The following CTNNA3 variants were observed in gnomAD, a reference collection of about 807,000 sequenced individuals.
The protein encoded by CTNNA3 is catenin alpha-3.
CTNNA3 carries 76 observed loss-of-function variants against 95.7 expected under a neutral mutation model. That is an observed-to-expected ratio of 0.79 (90% CI 0.66 to 0.96). The LOEUF (loss-of-function observed/expected upper bound fraction) is 0.96. CTNNA3 is among the 40% of genes least tolerant of loss of function. The pLI is 0.00. For missense variants in CTNNA3, 1,191 were observed against 1,089.8 expected, an observed-to-expected ratio of 1.09 and a Z score of -1.31; for synonymous variants, 431 against 374.4, an observed-to-expected ratio of 1.15 and a Z score of -1.74.
chr10:67,738,030 C>A (rs1055895698), intron 1 of CTNNA3, among the ~76,000 whole-genome samples: 1 of 152,180 alleles, frequency 6.6e-6, no homozygotes, highest in African/African-American at 2.4e-5. Context: ...TGTTTCACAG[C>A]CTTCACTGGT....
At chr10:67,375,711 T>G (rs1375611763) in intron 5 of CTNNA3, among the ~76,000 whole-genome samples, 1 of 152,220 alleles carries the variant, frequency 6.6e-6, no homozygotes, top group Non-Finnish European at 1.5e-5. Flanking sequence ...TGAAAAGGAT[T>G]CTTCTCTACT....
At chr10:66,590,375 C>T (rs1843508190) in intron 10 of CTNNA3, among the ~76,000 whole-genome samples, 1 of 152,082 alleles carries the variant, frequency 6.6e-6, no homozygotes, top group Non-Finnish European at 1.5e-5. Flanking sequence ...AATATGAAAT[C>T]ACCCGTACCA....
At chr10:65,982,068 G>T (rs1564556544) in intron 16 of CTNNA3, among the ~76,000 whole-genome samples, 1 of 150,628 alleles carries the variant, frequency 6.6e-6, no homozygotes, top group Non-Finnish European at 1.5e-5. Flanking sequence ...AAAACCCACC[G>T]AATGGGAGAA....
chr10:66,016,083 T>C (rs1473099750), intron 15 of CTNNA3, among the ~76,000 whole-genome samples: 1 of 152,288 alleles, frequency 6.6e-6, no homozygotes, highest in Non-Finnish European at 1.5e-5. Context: ...GATAATCAGA[T>C]AGTATCAGAG....
intron 6 of CTNNA3, among the ~76,000 whole-genome samples, chr10:67,189,707 C>G (rs12263704): frequency 0.039 from 5,859 of 151,936 alleles, 245 homozygotes; most frequent in East Asian, 0.17. Flanking sequence ...TATAATTATA[C>G]AGCTAGAAGC....
chr10:66,750,225 T>C (rs2132725140), intron 9 of CTNNA3, among the ~76,000 whole-genome samples: 1 of 152,344 alleles, frequency 6.6e-6, no homozygotes, highest in Non-Finnish European at 1.5e-5. Context: ...TTTAATGAAA[T>C]CCAGCATATC....
intron 6 of CTNNA3, among the ~76,000 whole-genome samples, chr10:67,197,411 C>T (rs74144741): frequency 9.3e-4 from 142 of 152,138 alleles, no homozygotes; most frequent in African/African-American, 3.2e-3. Context: ...AGGTTAAGTA[C>T]AAGCCCTGGA....
chr10:67,295,410 G>A (rs1037707566), intron 5 of CTNNA3, among the ~76,000 whole-genome samples: 6 of 152,086 alleles, frequency 3.9e-5, no homozygotes, highest in East Asian at 1.9e-4. Flanking sequence ...ATACAGTCAC[G>A]GGCATGGTAA....
At chr10:66,569,684 T>A (rs1035687803) in intron 10 of CTNNA3, among the ~76,000 whole-genome samples, 1 of 152,118 alleles carries the variant, frequency 6.6e-6, no homozygotes, top group Admixed American at 6.6e-5. Context: ...TTAAACATGA[T>A]GGCTTTGAGA....
At chr10:66,244,201 G>A (rs1362503729) in intron 13 of CTNNA3, among the ~76,000 whole-genome samples, 2 of 152,218 alleles carry the variant, frequency 1.3e-5, no homozygotes, top group East Asian at 3.9e-4. Context: ...GAAGGACTTT[G>A]TCTTGTGGTT....
At chr10:67,195,696 C>T (rs1377115832) in intron 6 of CTNNA3, among the ~76,000 whole-genome samples, 1 of 151,980 alleles carries the variant, frequency 6.6e-6, no homozygotes, top group African/African-American at 2.4e-5. Flanking sequence ...TATTAATCAT[C>T]CAATATATTT....
chr10:66,480,408 G>A (rs1259628024), intron 11 of CTNNA3, among the ~76,000 whole-genome samples: 1 of 152,016 alleles, frequency 6.6e-6, no homozygotes, highest in East Asian at 1.9e-4. Flanking sequence ...GTATTTCTGT[G>A]TCAGTGTATT....
intron 12 of CTNNA3, among the ~76,000 whole-genome samples, chr10:66,301,164 G>A (rs190917996): frequency 6.6e-6 from 1 of 151,990 alleles, no homozygotes; most frequent in Non-Finnish European, 1.5e-5. Context: ...AGCTATTGAG[G>A]AGATTGGATC....
intron 2 of CTNNA3, among the ~76,000 whole-genome samples, chr10:67,612,606 A>G (rs540717714): frequency 2.0e-5 from 3 of 152,354 alleles, no homozygotes; most frequent in South Asian, 2.1e-4. Context: ...AAAAGTTATA[A>G]AAGTCAAAGA....
At position 67,200,878 on chromosome 10, in the gene CTNNA3, G is replaced by C. The variant is rs147670221; in HGVS notation, c.843+18729C>G. ...AAGACTTAGAAATTCCTAAGTATTA[G>C]AAAATATCAACTAAAACAGACTATT... On this transcript the variant is annotated intron_variant, in intron 6 of 17. Transcript: ENST00000433211. Among the ~76,000 whole-genome samples, 764 of 152,280 alleles carry C rather than the reference G, an allele frequency of 5.0e-3. 6 individuals carry two copies. The highest frequency in any genetic ancestry group is 0.017 in the African/African-American group (710 of 41,560).
At chr10:66,959,112 A>T (rs1419135399) in intron 7 of CTNNA3, among the ~76,000 whole-genome samples, 1 of 152,146 alleles carries the variant, frequency 6.6e-6, no homozygotes, top group African/African-American at 2.4e-5. Flanking sequence ...TACTATCTTC[A>T]GTCTGCTGCT....
intron 10 of CTNNA3, among the ~76,000 whole-genome samples, chr10:66,540,612 GTCCCC>G (rs1203402063): frequency 6.6e-6 from 1 of 151,716 alleles, no homozygotes; most frequent in African/African-American, 2.4e-5. Context: ...GTATCTTTAG[GTCCCC>G]TCCCCTCCCC....
chr10:66,471,974 C>G (rs1437298163), intron 11 of CTNNA3, among the ~76,000 whole-genome samples: 1 of 152,006 alleles, frequency 6.6e-6, no homozygotes, highest in Non-Finnish European at 1.5e-5. Flanking sequence ...CTCAATTTCA[C>G]ACTGACGTGT....
rs567111008 is a variant in CTNNA3, at chr10:66,000,121, A to G, written c.2160-11324T>C. On this transcript the variant is annotated intron_variant, in intron 15 of 17. Transcript: ENST00000433211. ...AATTTTAAAACATTATGGGTTAGAA[A>G]GTATAATGAAAAAGGCTATAATAAC... 2.0e-5 allele frequency among the ~76,000 whole-genome samples: 3 copies of G among 152,308 alleles called. No homozygotes were observed. The South Asian group carries it at 6.2e-4, about 32-fold the overall frequency.
Sources: gnomAD v4.1 joint callset for allele counts (sites outside exome capture counted in the v4.1 genomes callset) on GRCh38, gnomAD v4.1.1 for gene constraint, MANE v1.5 for transcripts, NCBI Gene and HGNC (gene_info 2026-07-23, HGNC 2026-07-21) for gene names.